The following PCDHGB1 variants were observed in gnomAD, a reference collection of about 807,000 sequenced individuals.
PCDHGB1 encodes the protein protocadherin gamma-B1.
PCDHGB1 carries 34 observed loss-of-function variants against 56.6 expected under a neutral mutation model. The ratio of observed to expected loss-of-function variants is 0.60; its 90% CI spans 0.46 to 0.80. The LOEUF (loss-of-function observed/expected upper bound fraction) is 0.80, where lower values mean the gene tolerates loss of function less well. PCDHGB1 is among the 30% of genes least tolerant of loss of function. PCDHGB1 has a pLI of 0.00. For synonymous variants in PCDHGB1, 561 were observed against 505.9 expected (o/e 1.11, Z -1.46); for missense variants, 1,278 against 1,204.6 (o/e 1.06, Z -0.90).
At chr5:141,474,807 A>C (rs945920397) in intron 1 of PCDHGB1, among the ~76,000 whole-genome samples, 8 of 152,364 alleles carry the variant, frequency 5.3e-5, no homozygotes, top group Admixed American at 1.3e-4. Context: ...AGTGGTTTGC[A>C]TCATTAATTG....
rs193229261 is a variant in PCDHGB1, at chr5:141,446,714, G to A, written c.2410-48093G>A. ...GCTGGTCTCGAACTCTGATCTGCCCGCCTCGGCCTCCCAAAGTGTGGGGAT... is the reference window on the plus strand; with the variant it reads ...GCTGGTCTCGAACTCTGATCTGCCCACCTCGGCCTCCCAAAGTGTGGGGAT... On this transcript the variant is annotated intron_variant, in intron 1 of 3. Transcript: ENST00000523390. Among the ~76,000 whole-genome samples the A allele has an allele frequency of 3.3e-3, 497 of 152,154 alleles. 2 individuals are homozygous for A. Among genetic ancestry groups the A allele is most frequent in the African/African-American group, 0.011 (450 of 41,528 alleles).
At chr5:141,356,757 C>T (rs1413768876) in intron 1 of PCDHGB1, 2 of 1,613,908 alleles carry the variant, frequency 1.2e-6, no homozygotes, top group Non-Finnish European at 1.7e-6. Flanking sequence ...CTCTTTGCTC[C>T]TTCGACTATG....
At chr5:141,462,786 T>G (rs1394476968) in intron 1 of PCDHGB1, among the ~76,000 whole-genome samples, 1 of 152,216 alleles carries the variant, frequency 6.6e-6, no homozygotes, top group Admixed American at 6.5e-5. Flanking sequence ...AATTTGTTGC[T>G]TATTTGCATG....
intron 1 of PCDHGB1, chr5:141,404,970 C>G: frequency 6.2e-7 from 1 of 1,614,058 alleles, no homozygotes; most frequent in East Asian, 2.2e-5. Context: ...GACATCCTGG[C>G]TGACCTGGGC....
At chr5:141,421,184 C>G (rs2096551183) in intron 1 of PCDHGB1, 1 of 1,457,940 alleles carries the variant, frequency 6.9e-7, no homozygotes, top group African/African-American at 1.4e-5. Context: ...CGATTCACAA[C>G]CAACCAGCTC....
At position 141,370,127 on chromosome 5, in the gene PCDHGB1, G is replaced by A. The variant is rs1588666057; in HGVS notation, c.2409+17458G>A. ...TTTCTCCTAACTAGCTCCTTATTTGGAGCTGATTTAGTCACCATTACTGCA... is the reference window on the plus strand; with the variant it reads ...TTTCTCCTAACTAGCTCCTTATTTGAAGCTGATTTAGTCACCATTACTGCA... On this transcript the variant is annotated intron_variant, in intron 1 of 3. Transcript: ENST00000523390. 5 of 394,722 alleles carry A rather than the reference G, an allele frequency of 1.3e-5. No individual in the cohort carries two copies. The East Asian group carries it at 1.9e-4, about 15-fold the overall frequency. 24.5% of individuals were successfully genotyped at this position (394,722 alleles called of 1,614,324 possible). A position where few individuals can be genotyped will look rare whatever the true frequency, so the allele number is the denominator to read the frequency against.
chr5:141,370,886 C>A (rs1208326985), intron 1 of PCDHGB1: 1 of 1,614,034 alleles, frequency 6.2e-7, no homozygotes, highest in South Asian at 1.1e-5. Flanking sequence ...ATGTAGGTGT[C>A]AATTCGCTGC....
At chr5:141,415,026 G>A in intron 1 of PCDHGB1, 1 of 1,613,590 alleles carries the variant, frequency 6.2e-7, no homozygotes, top group Non-Finnish European at 8.5e-7. Flanking sequence ...AGGCCAGCGA[G>A]CCGGGACTCT....
intron 1 of PCDHGB1, among the ~76,000 whole-genome samples, chr5:141,483,644 G>A (rs2099584188): frequency 6.8e-6 from 1 of 146,522 alleles, no homozygotes; most frequent in African/African-American, 2.7e-5. Context: ...AGAGGGGTGT[G>A]TGTTTGTGTG....
intron 1 of PCDHGB1, chr5:141,430,973 A>G: frequency 6.2e-7 from 1 of 1,613,266 alleles, no homozygotes; most frequent in East Asian, 2.2e-5. Flanking sequence ...CAGAGGTAGG[A>G]CGCAGCTTTT....
rs750876131 is a variant in PCDHGB1 at position 141,366,508 on chromosome 5, G to C, written c.2409+13839G>C. 2.5e-6 allele frequency: 4 copies of C among 1,614,144 alleles called. No individual in the cohort carries two copies. The African/African-American group carries it at 5.3e-5, about 22-fold the overall frequency. Reference sequence around the variant, plus strand: ...GCTGGCACAAGTCACGCCTGCTTCAGGCTGAAGGCAGCAGGTTGGCGGGTG... The same window carrying C: ...GCTGGCACAAGTCACGCCTGCTTCACGCTGAAGGCAGCAGGTTGGCGGGTG... On this transcript the variant is annotated intron_variant, in intron 1 of 3. Transcript: ENST00000523390.
rs1439134548 is a variant in PCDHGB1, at chr5:141,350,534, AT to A, written c.277del (p.Cys93AlafsTer9). On this transcript the variant is annotated frameshift_variant, in exon 1 of 4. Transcript: ENST00000523390. LOFTEE classifies it high-confidence loss of function. Reference protein sequence around the residue: ...LVNGRIDREKICGRKLECALE... With the variant: ...LVNGRIDREKXCGRKLECALE... ...GAACGGTAGGATAGATCGAGAGAAG[AT>A]TTGCGGAAGGAAACTTGAGTGTGCA... 2 of 1,613,894 alleles carry A rather than the reference AT, an allele frequency of 1.2e-6. No homozygotes were observed. Among genetic ancestry groups the A allele is most frequent in the Admixed American group, 1.7e-5 (1 of 60,004 alleles).
rs555568322 is a variant in PCDHGB1 at position 141,366,458 on chromosome 5, G to C, written c.2409+13789G>C. The C allele has an allele frequency of 1.2e-5, 20 of 1,614,092 alleles. No individual in the cohort carries two copies. In the East Asian group the frequency reaches 2.9e-4, roughly 23 times the overall value. ...CTGCGTCTTCCTGGCCTTCGTCATC[G>C]TGCTGCTGGTGCTCAGACTGAGGCG... On this transcript the variant is annotated intron_variant, in intron 1 of 3. Coordinates refer to ENST00000523390, the MANE Select transcript of PCDHGB1 (RefSeq NM_018922.3).
Position 141,490,765 on chromosome 5 carries a change from G to A in PCDHGB1, c.2410-4042G>A. The A allele has an allele frequency of 6.2e-7, 1 of 1,614,076 alleles. No individual in the cohort carries two copies. The highest frequency in any genetic ancestry group is 8.5e-7 in the Non-Finnish European group (1 of 1,179,914). ...AGCCCCAGCCTCCTCCTTTGTGTAT[G>A]TCAACCCAGAGGATGGACGGATCTT... On this transcript the variant is annotated intron_variant, in intron 1 of 3. Coordinates refer to ENST00000523390, the MANE Select transcript of PCDHGB1 (RefSeq NM_018922.3). This position sits in a 1 kb window ranked among gnomAD's most constrained non-coding sequence, Gnocchi z 5.4.
At chr5:141,446,447 A>G (rs2098502204) in intron 1 of PCDHGB1, among the ~76,000 whole-genome samples, 1 of 151,946 alleles carries the variant, frequency 6.6e-6, no homozygotes, top group Non-Finnish European at 1.5e-5. Context: ...AACAGTGCAG[A>G]TATTCAGTGT....
At chr5:141,488,762 C>T (rs1470160100) in intron 1 of PCDHGB1, among the ~76,000 whole-genome samples, 1 of 152,142 alleles carries the variant, frequency 6.6e-6, no homozygotes, top group Non-Finnish European at 1.5e-5. Context: ...TGGGACAGAA[C>T]GCTGAGGAGT....
rs144796076 is a variant in PCDHGB1, at chr5:141,394,245, G to A, written c.2409+41576G>A. ...CTCCATCTTTTCCTTGACTGCACACGACCCCGACAGCCAGGAGAATGCCCA... is the reference window on the plus strand; with the variant it reads ...CTCCATCTTTTCCTTGACTGCACACAACCCCGACAGCCAGGAGAATGCCCA... On this transcript the variant is annotated intron_variant, in intron 1 of 3. Transcript: ENST00000523390. The A allele has an allele frequency of 2.5e-3, 4,038 of 1,613,812 alleles. 13 individuals carry two copies. The highest frequency in any genetic ancestry group is 6.1e-3 in the Middle Eastern group (37 of 6,062).
intron 1 of PCDHGB1, among the ~76,000 whole-genome samples, chr5:141,368,127 A>T (rs1013357793): frequency 1.3e-5 from 2 of 152,200 alleles, no homozygotes; most frequent in Non-Finnish European, 2.9e-5. Context: ...AATATTCTTA[A>T]TCCTTCAAAT....
chr5:141,467,769 G>A (rs573567102), intron 1 of PCDHGB1, among the ~76,000 whole-genome samples: 9 of 151,590 alleles, frequency 5.9e-5, no homozygotes, highest in East Asian at 3.9e-4. Flanking sequence ...TCAAGTGCCC[G>A]CACCTCAGCC....
Sources: gnomAD v4.1 joint callset for allele counts (sites outside exome capture counted in the v4.1 genomes callset) on GRCh38, gnomAD v4.1.1 for gene constraint, Gnocchi (gnomAD v3.1) non-coding constraint, MANE v1.5 for transcripts, NCBI Gene and HGNC (gene_info 2026-07-23, HGNC 2026-07-21) for gene names.